IFT80: variants seen among roughly 807,000 people sequenced by gnomAD.
IFT80 encodes intraflagellar transport 80.
A neutral mutation model predicts 107.9 loss-of-function variants in IFT80; 79 were observed. That is an observed-to-expected ratio of 0.73 (90% confidence interval 0.61 to 0.88). The LOEUF (loss-of-function observed/expected upper bound fraction) is 0.88. IFT80 is among the 40% of genes least tolerant of loss of function. The pLI is 0.00. For missense variants in IFT80, 797 were observed against 914.2 expected (o/e 0.87, Z 1.65); for synonymous variants, 299 against 300.9 (o/e 0.99, Z 0.07).
chr3:160,392,650 G>T (rs564549454), intron 1 of IFT80, among the ~76,000 whole-genome samples: 1 of 152,064 alleles, frequency 6.6e-6, no homozygotes, highest in East Asian at 1.9e-4. Flanking sequence ...ATATTTCACC[G>T]CCTCCACTAT....
At chr3:160,331,532 A>G (rs929717365) in intron 8 of IFT80, among the ~76,000 whole-genome samples, 2 of 152,234 alleles carry the variant, frequency 1.3e-5, no homozygotes, top group East Asian at 3.8e-4. Flanking sequence ...TCAATATGTC[A>G]TTAAGTCACT....
chr3:160,377,286 T>A, intron 4 of IFT80, 144 bp downstream of exon 4: 2 of 593,078 alleles, frequency 3.4e-6, no homozygotes, highest in East Asian at 5.8e-5. Flanking sequence ...ATTGTAACAT[T>A]TATATAGCAG....
intron 18 of IFT80, among the ~76,000 whole-genome samples, chr3:160,275,423 CTAAT>C (rs964223170): frequency 3.3e-5 from 5 of 152,262 alleles, no homozygotes; most frequent in Admixed American, 1.3e-4. Flanking sequence ...GTTTATCTCT[CTAAT>C]TATTTATCTT....
chr3:160,357,037 G>A (rs142266824), intron 7 of IFT80, among the ~76,000 whole-genome samples: 74 of 152,214 alleles, frequency 4.9e-4, no homozygotes, highest in South Asian at 2.5e-3. Flanking sequence ...ATTGAGTCAC[G>A]GTAAAATTAG....
rs1713888310 is a variant in IFT80 at position 160,272,466 on chromosome 3, G to A, written c.2100-3930C>T. ...TTGATCATTGTCGAAGTGAATGATG[G>A]GTACATTCAGACTATTCTCTCTACT... On this transcript the variant is annotated intron_variant, in intron 18 of 19. Transcript: ENST00000326448. Among the ~76,000 whole-genome samples, 3 of 152,078 alleles carry A rather than the reference G, an allele frequency of 2.0e-5. No individual in the cohort carries two copies. The South Asian group carries it at 6.2e-4, about 32-fold the overall frequency.
chr3:160,299,660 T>TA (rs1716257257), intron 12 of IFT80, among the ~76,000 whole-genome samples: 1 of 152,164 alleles, frequency 6.6e-6, no homozygotes, highest in Non-Finnish European at 1.5e-5. Flanking sequence ...CATTCAGTGT[T>TA]ATGGCTTTAA....
intron 2 of IFT80, chr3:160,383,575 A>G: frequency 1.2e-6 from 1 of 810,210 alleles, no homozygotes; most frequent in Non-Finnish European, 1.5e-6. Context: ...GAAAAATTGG[A>G]CATTATAACA....
intron 7 of IFT80, among the ~76,000 whole-genome samples, chr3:160,356,686 T>A (rs1288067828): frequency 2.0e-5 from 3 of 152,076 alleles, no homozygotes; most frequent in African/African-American, 7.2e-5. Flanking sequence ...CATACTTGGC[T>A]AATTTTTAAA....
At chr3:160,384,376 G>C (rs2108408875) in intron 2 of IFT80, 188 bp downstream of exon 2, 1 of 1,218,638 alleles carries the variant, frequency 8.2e-7, no homozygotes, top group South Asian at 2.9e-5. Flanking sequence ...AAGATTTATA[G>C]CAAACGGTTC....
intron 3 of IFT80, among the ~76,000 whole-genome samples, chr3:160,378,941 T>C (rs910124754): frequency 1.9e-4 from 29 of 152,158 alleles, no homozygotes; most frequent in African/African-American, 7.0e-4. Flanking sequence ...CATCAATAGA[T>C]GCTAAGAGAG....
At chr3:160,381,368 G>A (rs569604364) in intron 3 of IFT80, 135 bp downstream of exon 3, 2 of 729,106 alleles carry the variant, frequency 2.7e-6, no homozygotes, top group Admixed American at 2.3e-5. Context: ...TGACTATTCA[G>A]AAAAGAAATA....
At position 160,268,495 on chromosome 3, in the gene IFT80, G is replaced by A. The variant is rs1463230167; in HGVS notation, c.2141C>T (p.Thr714Ile). ...LAVKYKTHVD[T>I]VLAYRQKFLE... ...AAACTTTTGACGGTAAGCAAGAACT[G>A]TATCAACATGTGTTTTGTATTTTAC... The change falls in exon 19 of 20, where the codon ACA (threonine) becomes ATA (isoleucine). Residue 714 changes from threonine to isoleucine, a missense_variant. Coordinates refer to ENST00000326448, the MANE Select transcript of IFT80 (RefSeq NM_020800.3). The A allele has an allele frequency of 6.2e-7, 1 of 1,612,906 alleles. No homozygotes were observed.
At chr3:160,302,991 G>A (rs2886772) in intron 11 of IFT80, among the ~76,000 whole-genome samples, 6,296 of 152,092 alleles carry the variant, frequency 0.041, 233 homozygotes, top group African/African-American at 0.1. Context: ...CCCTTGCCAG[G>A]CAGCTACTTT....
chr3:160,274,225 A>G (rs1045468299), intron 18 of IFT80, among the ~76,000 whole-genome samples: 4 of 152,192 alleles, frequency 2.6e-5, no homozygotes, highest in Non-Finnish European at 4.4e-5. Context: ...CTCACACTGG[A>G]TCCTAAGGAA....
At chr3:160,297,188 T>TTC (rs1716049263) in intron 12 of IFT80, among the ~76,000 whole-genome samples, 1 of 152,280 alleles carries the variant, frequency 6.6e-6, no homozygotes, top group South Asian at 2.1e-4. Context: ...TCACCAAGGC[T>TTC]TCTCTTAGTC....
At chr3:160,263,994 G>A (rs962509404) in intron 19 of IFT80, among the ~76,000 whole-genome samples, 19 of 151,990 alleles carry the variant, frequency 1.3e-4, no homozygotes, top group African/African-American at 4.3e-4. Flanking sequence ...TAGAGACAAC[G>A]TCTCACTATA....
At chr3:160,344,935 C>G (rs1720178325) in intron 8 of IFT80, among the ~76,000 whole-genome samples, 1 of 152,024 alleles carries the variant, frequency 6.6e-6, no homozygotes, top group Non-Finnish European at 1.5e-5. Context: ...AAAAGACAGG[C>G]AATAACAAAT....
intron 8 of IFT80, among the ~76,000 whole-genome samples, chr3:160,327,231 G>A (rs1299099997): frequency 1.3e-5 from 2 of 152,140 alleles, no homozygotes; most frequent in Non-Finnish European, 1.5e-5. Flanking sequence ...AATCAATATC[G>A]TGAAAATGAC....
intron 8 of IFT80, among the ~76,000 whole-genome samples, chr3:160,321,415 T>C (rs1194184091): frequency 6.6e-6 from 1 of 151,958 alleles, no homozygotes; most frequent in Non-Finnish European, 1.5e-5. Flanking sequence ...ATCTAGTCTA[T>C]CCTCATGGTG....
Sources: allele counts gnomAD v4.1 joint callset (sites outside exome capture counted in the v4.1 genomes callset), GRCh38; gene constraint gnomAD v4.1.1; transcripts MANE v1.5; gene names NCBI Gene and HGNC (gene_info 2026-07-23, HGNC 2026-07-21).